The following ROBO2 variants were observed in gnomAD, a reference collection of about 807,000 sequenced individuals.
The protein encoded by ROBO2 is roundabout guidance receptor 2.
ROBO2 carries 53 observed loss-of-function variants against 160.8 expected under a neutral mutation model. That is an observed-to-expected ratio of 0.33 (90% CI 0.26 to 0.41). The LOEUF is 0.41. Among genes scored for constraint, ROBO2 ranks in the 10% least tolerant of loss-of-function variants. ROBO2 has a pLI of 1.00. For missense variants in ROBO2, 1,577 were observed against 1,722.4 expected (o/e 0.92, Z 1.49); for synonymous variants, 664 against 611.7 (o/e 1.09, Z -1.26).
intron 2 of ROBO2, among the ~76,000 whole-genome samples, chr3:76,979,581 ATGTGTGTGTGTGGTG>A (rs1404840872): frequency 1.3e-5 from 2 of 150,840 alleles, no homozygotes; most frequent in Non-Finnish European, 3.0e-5. Flanking sequence ...ATTGGGGTGT[ATGTGTGTGTGTGGTG>A]TGTGTGTGTG....
At chr3:77,274,471 T>C (rs2059698718) in intron 2 of ROBO2, among the ~76,000 whole-genome samples, 1 of 152,166 alleles carries the variant, frequency 6.6e-6, no homozygotes, top group Non-Finnish European at 1.5e-5. Flanking sequence ...AAACCTGTCA[T>C]AGAGTTGAGT....
chr3:76,326,257 GA>G (rs2073006574), intron 2 of ROBO2, among the ~76,000 whole-genome samples: 1 of 152,076 alleles, frequency 6.6e-6, no homozygotes, highest in Non-Finnish European at 1.5e-5. Flanking sequence ...GGAAATAAGA[GA>G]AAAATTTAAA....
At chr3:77,196,934 T>A (rs1477758449) in intron 2 of ROBO2, among the ~76,000 whole-genome samples, 1 of 151,434 alleles carries the variant, frequency 6.6e-6, no homozygotes, top group East Asian at 1.9e-4. Flanking sequence ...ACAATTTGGC[T>A]TAATTAAAAA....
At chr3:76,767,410 T>C (rs1202491763) in intron 2 of ROBO2, among the ~76,000 whole-genome samples, 1 of 151,628 alleles carries the variant, frequency 6.6e-6, no homozygotes, top group Non-Finnish European at 1.5e-5. Context: ...TTATATCTCT[T>C]CTTGTTCGAA....
At chr3:76,381,647 C>T (rs1431901080) in intron 2 of ROBO2, among the ~76,000 whole-genome samples, 1 of 152,170 alleles carries the variant, frequency 6.6e-6, no homozygotes, top group Non-Finnish European at 1.5e-5. Flanking sequence ...CTGTGCCCCG[C>T]CTATTATTAT....
chr3:76,953,630 GAATGATCATT>G (rs1017985852), intron 2 of ROBO2, among the ~76,000 whole-genome samples: 3 of 152,158 alleles, frequency 2.0e-5, no homozygotes, highest in African/African-American at 4.8e-5. Context: ...TTTGGCAGCA[GAATGATCATT>G]TCGGTCTATA....
chr3:76,622,242 GAAAGAAAGA>G (rs2089206478), intron 2 of ROBO2, among the ~76,000 whole-genome samples: 301 of 91,904 alleles, frequency 3.3e-3, no homozygotes, highest in African/African-American at 5.8e-3. Context: ...AAGGAAGAAA[GAAAGAAAGA>G]AAGAAAGAAA....
chr3:77,146,138 TGTC>T (rs2077100689), intron 2 of ROBO2, among the ~76,000 whole-genome samples: 1 of 152,230 alleles, frequency 6.6e-6, no homozygotes. Flanking sequence ...TGTCTGGGCT[TGTC>T]GTCTTCTGTC....
chr3:77,114,704 G>A (rs1230093851), intron 2 of ROBO2, among the ~76,000 whole-genome samples: 1 of 152,130 alleles, frequency 6.6e-6, no homozygotes, highest in Non-Finnish European at 1.5e-5. Flanking sequence ...TGTACAAGTA[G>A]AGATTCCTAG....
chr3:77,064,355 GA>G (rs1234824980), intron 1 of ROBO2, among the ~76,000 whole-genome samples: 1 of 126,998 alleles, frequency 7.9e-6, no homozygotes, highest in Non-Finnish European at 1.6e-5. Flanking sequence ...TTAATACTTG[GA>G]TGTATCTTTT....
chr3:77,333,320 C>T (rs1317378887), intron 2 of ROBO2, among the ~76,000 whole-genome samples: 1 of 152,186 alleles, frequency 6.6e-6, no homozygotes, highest in East Asian at 1.9e-4. Context: ...ACATTACTTT[C>T]ACCATATTTC....
At chr3:77,001,771 G>T in intron 2 of ROBO2, among the ~76,000 whole-genome samples, 1 of 151,770 alleles carries the variant, frequency 6.6e-6, no homozygotes, top group East Asian at 1.9e-4. Context: ...AACAATTCTA[G>T]AACTATACAT....
At chr3:76,400,929 T>C (rs553348915) in intron 2 of ROBO2, among the ~76,000 whole-genome samples, 10 of 151,710 alleles carry the variant, frequency 6.6e-5, no homozygotes, top group Admixed American at 5.9e-4. Flanking sequence ...GATTATTTTT[T>C]ATTGTGGAGG....
rs545445369 is a variant in ROBO2 at position 77,308,655 on chromosome 3, C to T, written c.389-168759C>T. Among the ~76,000 whole-genome samples, 6 of 152,170 alleles carry T rather than the reference C, an allele frequency of 3.9e-5. No homozygotes were observed. The South Asian group carries it at 8.3e-4, about 21-fold the overall frequency. On this transcript the variant is annotated intron_variant, in intron 2 of 25. Transcript: ENST00000461745. ...AGCTATGATATATACTAAAGATAAT[C>T]GCCACTTATCATCTTCAGTGAAACG...
intron 2 of ROBO2, among the ~76,000 whole-genome samples, chr3:77,174,497 AC>A (rs1454795188): frequency 6.6e-6 from 1 of 151,994 alleles, no homozygotes; most frequent in Non-Finnish European, 1.5e-5. Flanking sequence ...TCTAGTTAAT[AC>A]CCCTTATCCC....
chr3:77,416,439 C>G (rs1478390567), intron 2 of ROBO2, among the ~76,000 whole-genome samples: 1 of 152,176 alleles, frequency 6.6e-6, no homozygotes, highest in African/African-American at 2.4e-5. Flanking sequence ...TCTGCCGTGG[C>G]CTGGAGCAGT....
chr3:77,062,586 C>T (rs1285352878), intron 1 of ROBO2, among the ~76,000 whole-genome samples: 2 of 152,170 alleles, frequency 1.3e-5, no homozygotes, highest in Admixed American at 1.3e-4. Context: ...TGTGTGGTAG[C>T]CTTTAGGTCA....
intron 2 of ROBO2, among the ~76,000 whole-genome samples, chr3:77,264,429 T>G (rs2058991006): frequency 6.6e-6 from 1 of 152,218 alleles, no homozygotes; most frequent in East Asian, 1.9e-4. Context: ...ACATCTGGAT[T>G]TTTTTTCTCC....
chr3:76,478,504 C>G (rs1012905704), intron 2 of ROBO2, among the ~76,000 whole-genome samples: 4 of 151,812 alleles, frequency 2.6e-5, no homozygotes, highest in African/African-American at 9.7e-5. Context: ...AACTGGATCG[C>G]TTCCTTACAC....
Sources: allele counts gnomAD v4.1 joint callset (sites outside exome capture counted in the v4.1 genomes callset), GRCh38; gene constraint gnomAD v4.1.1; transcripts MANE v1.5; gene names NCBI Gene and HGNC (gene_info 2026-07-23, HGNC 2026-07-21).